FNDC3B: variants seen among roughly 807,000 people sequenced by gnomAD.
FNDC3B encodes the protein fibronectin type III domain containing 3B.
FNDC3B carries 12 observed loss-of-function variants against 151.5 expected under a neutral mutation model. The ratio of observed to expected loss-of-function variants is 0.08; its 90% confidence interval spans 0.05 to 0.13. FNDC3B has a LOEUF of 0.13. Among genes scored for constraint, FNDC3B ranks in the 10% least tolerant of loss-of-function variants. The pLI, the probability that FNDC3B is intolerant of heterozygous loss-of-function variation, is 1.00. For missense variants in FNDC3B, 1,214 were observed against 1,505.3 expected, an observed-to-expected ratio of 0.81 and a Z score of 3.20; for synonymous variants, 528 against 549.0, an observed-to-expected ratio of 0.96 and a Z score of 0.54.
intron 4 of FNDC3B, among the ~76,000 whole-genome samples, chr3:172,245,173 A>G (rs182304885): frequency 7.5e-4 from 114 of 152,284 alleles, no homozygotes; most frequent in African/African-American, 2.7e-3. Flanking sequence ...ATTTTTTTTT[A>G]AAACCACTTT....
intron 6 of FNDC3B, among the ~76,000 whole-genome samples, chr3:172,254,795 G>T (rs1017086725): frequency 6.6e-6 from 1 of 152,162 alleles, no homozygotes; most frequent in African/African-American, 2.4e-5. Context: ...GGAGCTAATG[G>T]TGTGATGTGA....
chr3:172,159,052 G>A (rs1192555381), intron 3 of FNDC3B, among the ~76,000 whole-genome samples: 3 of 152,164 alleles, frequency 2.0e-5, no homozygotes, highest in Admixed American at 6.5e-5. Context: ...AGACCAAGGT[G>A]GGCAGATCAC....
intron 6 of FNDC3B, among the ~76,000 whole-genome samples, chr3:172,280,454 G>A (rs1052906366): frequency 2.6e-5 from 4 of 152,050 alleles, no homozygotes; most frequent in East Asian, 1.9e-4. Flanking sequence ...CATTTTCCAC[G>A]CCCCTAGTTC....
chr3:172,282,747 G>A (rs192393558), intron 6 of FNDC3B, among the ~76,000 whole-genome samples: 1 of 152,266 alleles, frequency 6.6e-6, no homozygotes, highest in Non-Finnish European at 1.5e-5. Flanking sequence ...TTCTTTCTCA[G>A]TGTCCTCTCC....
At chr3:172,141,334 A>G (rs985797758) in intron 3 of FNDC3B, among the ~76,000 whole-genome samples, 2 of 152,246 alleles carry the variant, frequency 1.3e-5, no homozygotes, top group African/African-American at 4.8e-5. Flanking sequence ...CTGTTCAGAT[A>G]TGGGGTTATA....
At chr3:172,144,981 T>C (rs2108591814) in intron 3 of FNDC3B, among the ~76,000 whole-genome samples, 1 of 152,084 alleles carries the variant, frequency 6.6e-6, no homozygotes, top group East Asian at 1.9e-4. Flanking sequence ...TGTGGTTGGA[T>C]AGACCCTCCT....
intron 2 of FNDC3B, among the ~76,000 whole-genome samples, chr3:172,128,301 C>A (rs1720903613): frequency 6.6e-6 from 1 of 152,196 alleles, no homozygotes; most frequent in African/African-American, 2.4e-5. Flanking sequence ...AGTTTACTTG[C>A]TTATGTTTTT....
intron 2 of FNDC3B, among the ~76,000 whole-genome samples, chr3:172,120,400 A>G (rs1441254821): frequency 2.0e-5 from 3 of 152,158 alleles, no homozygotes; most frequent in African/African-American, 7.2e-5. Flanking sequence ...TTTCCTTGTT[A>G]ACTCAGGGTG....
intron 23 of FNDC3B, among the ~76,000 whole-genome samples, chr3:172,376,628 G>A (rs1368406339): frequency 6.6e-6 from 1 of 152,200 alleles, no homozygotes; most frequent in Non-Finnish European, 1.5e-5. Flanking sequence ...TGTGTCAAGA[G>A]TGCTAAATAG....
chr3:172,060,687 C>T (rs1177195597), intron 1 of FNDC3B, among the ~76,000 whole-genome samples: 1 of 152,192 alleles, frequency 6.6e-6, no homozygotes, highest in Non-Finnish European at 1.5e-5. Flanking sequence ...GAGACCGACA[C>T]TTTCCTCTTC....
At chr3:172,107,384 T>C (rs935071215) in intron 1 of FNDC3B, among the ~76,000 whole-genome samples, 3 of 152,184 alleles carry the variant, frequency 2.0e-5, no homozygotes, top group South Asian at 2.1e-4. Context: ...TCTGTTTTTT[T>C]TTCTTATTAG....
At chr3:172,245,329 T>C (rs1727721271) in intron 4 of FNDC3B, among the ~76,000 whole-genome samples, 1 of 152,238 alleles carries the variant, frequency 6.6e-6, no homozygotes, top group Non-Finnish European at 1.5e-5. Context: ...ATGTTGCTGG[T>C]TGACTTTTGG....
chr3:172,310,833 A>G lies in FNDC3B; in HGVS notation c.1206A>G (p.Pro402=), dbSNP rs1315496620. The change falls in exon 11 of 26, where the codon CCA becomes CCG. Residue 402 remains proline, a synonymous_variant. Transcript: ENST00000415807. ...CATGTTACTATTTTTTTTAGGCACC[A>G]ATTGACAACGGTTCAAAAATCACCA... ...KSSLTLQWKA[P]IDNGSKITNY... 1 of 1,611,156 alleles carries G rather than the reference A, an allele frequency of 6.2e-7. No individual in the cohort carries two copies. Among genetic ancestry groups the G allele is most frequent in the South Asian group, 1.1e-5 (1 of 91,012 alleles).
chr3:172,193,734 C>T (rs535637823), intron 3 of FNDC3B, among the ~76,000 whole-genome samples: 15 of 152,082 alleles, frequency 9.9e-5, no homozygotes, highest in Admixed American at 3.9e-4. Context: ...TATTTGATGT[C>T]TAGAAATGTG....
chr3:172,169,347 AG>A lies in FNDC3B; in HGVS notation c.187+35803del, dbSNP rs577417299. ...TCTGCAGAATGATCTTTGCTGAGTG[AG>A]GCCTGCCTGTAGGAGCTAACTGGTA... On this transcript the variant is annotated intron_variant, in intron 3 of 25. Transcript: ENST00000415807. 9.5e-4 allele frequency among the ~76,000 whole-genome samples: 144 copies of A among 152,230 alleles called. 1 individual carries two copies. The highest frequency in any genetic ancestry group is 1.9e-3 in the Non-Finnish European group (126 of 68,048).
At chr3:172,049,628 A>G (rs1190160715) in intron 1 of FNDC3B, among the ~76,000 whole-genome samples, 1 of 152,064 alleles carries the variant, frequency 6.6e-6, no homozygotes, top group Non-Finnish European at 1.5e-5. Context: ...CCCAGGTTCA[A>G]GCGATTCTTC....
At chr3:172,195,640 ACT>A (rs1245499873) in intron 3 of FNDC3B, among the ~76,000 whole-genome samples, 4 of 152,038 alleles carry the variant, frequency 2.6e-5, no homozygotes, top group African/African-American at 4.8e-5. Flanking sequence ...ATTTTGAGAA[ACT>A]CTGTTCTTGA....
At chr3:172,173,447 A>G (rs1467545733) in intron 3 of FNDC3B, among the ~76,000 whole-genome samples, 1 of 152,070 alleles carries the variant, frequency 6.6e-6, no homozygotes, top group African/African-American at 2.4e-5. Context: ...TGCTTGTAAG[A>G]GAAGACAACG....
intron 3 of FNDC3B, among the ~76,000 whole-genome samples, chr3:172,198,376 A>G (rs1244422708): frequency 1.3e-5 from 2 of 152,204 alleles, no homozygotes; most frequent in African/African-American, 4.8e-5. Flanking sequence ...TTGGACACTC[A>G]CCATAGGTAA....
Sources: gnomAD v4.1 joint callset for allele counts (sites outside exome capture counted in the v4.1 genomes callset) on GRCh38, gnomAD v4.1.1 for gene constraint, MANE v1.5 for transcripts, NCBI Gene and HGNC (gene_info 2026-07-23, HGNC 2026-07-21) for gene names.